GORASP1: variants seen among roughly 807,000 people sequenced by gnomAD.
The protein encoded by GORASP1 is Golgi reassembly-stacking protein 1.
A neutral mutation model predicts 37.7 loss-of-function variants in GORASP1; 31 were observed. The ratio of observed to expected loss-of-function variants is 0.82; its 90% CI spans 0.62 to 1.11. GORASP1 has a LOEUF of 1.11. Among genes scored for constraint, GORASP1 ranks in the 50% least tolerant of loss-of-function variants. The pLI is 0.00. For synonymous variants in GORASP1, 204 were observed against 224.8 expected, an observed-to-expected ratio of 0.91 and a Z score of 0.83; for missense variants, 476 against 560.7, an observed-to-expected ratio of 0.85 and a Z score of 1.53.
Position 39,102,913 on chromosome 3 carries a change from A to G in GORASP1, c.145-32T>C. On this transcript the variant is annotated intron_variant, in intron 2 of 8. Coordinates refer to ENST00000319283, the MANE Select transcript of GORASP1 (RefSeq NM_031899.4). The surrounding 1 kb of genome is among the most constrained non-coding windows in gnomAD (Gnocchi z 5.0). Reference sequence around the variant, plus strand: ...GGGCAATGGGGCTGACTCCAAGGCCACCTCATGCCCAGGCTAGGACCCTCA... The same window carrying G: ...GGGCAATGGGGCTGACTCCAAGGCCGCCTCATGCCCAGGCTAGGACCCTCA... The G allele has an allele frequency of 6.3e-7, 1 of 1,595,654 alleles. No individual in the cohort carries two copies. The highest frequency in any genetic ancestry group is 8.6e-7 in the Non-Finnish European group (1 of 1,163,150).
In GORASP1 at chr3:39,103,594, G is replaced by A. The variant is rs1355948660; in HGVS notation, c.64-41C>T. 1.7e-5 allele frequency: 26 copies of A among 1,520,724 alleles called. No homozygotes were observed. Among genetic ancestry groups the A allele is most frequent in the Non-Finnish European group, 2.3e-5 (25 of 1,110,858 alleles). The allele number at this position is 1,520,724 out of a possible 1,614,324, so 94.2% of individuals were successfully genotyped here. A position where few individuals can be genotyped will look rare whatever the true frequency, so the allele number is the denominator to read the frequency against. On this transcript the variant is annotated intron_variant, in intron 1 of 8. Coordinates refer to ENST00000319283, the MANE Select transcript of GORASP1 (RefSeq NM_031899.4). This position sits in a 1 kb window ranked among gnomAD's most constrained non-coding sequence, Gnocchi z 5.2. ...GACCACAGTCACTGCGCCAACCCTGGGACTCTCCAAGTAGCCCTCTCCCCC... is the reference window on the plus strand; with the variant it reads ...GACCACAGTCACTGCGCCAACCCTGAGACTCTCCAAGTAGCCCTCTCCCCC...
chr3:39,103,574 C>G lies in GORASP1; in HGVS notation c.64-21G>C, dbSNP rs774408933. Reference sequence around the variant, plus strand: ...TGCACCTATCCCACAGCAAAGACCACAGTCACTGCGCCAACCCTGGGACTC... The same window carrying G: ...TGCACCTATCCCACAGCAAAGACCAGAGTCACTGCGCCAACCCTGGGACTC... On this transcript the variant is annotated intron_variant, in intron 1 of 8. Coordinates refer to ENST00000319283, the MANE Select transcript of GORASP1 (RefSeq NM_031899.4). This position sits in a 1 kb window ranked among gnomAD's most constrained non-coding sequence, Gnocchi z 5.2. 6.3e-7 allele frequency: 1 copy of G among 1,596,704 alleles called. No homozygotes were observed. The highest frequency in any genetic ancestry group is 8.5e-7 in the Non-Finnish European group (1 of 1,170,240).
rs201218076 is a variant in GORASP1 at position 39,098,420 on chromosome 3, G to A, written c.1139C>T (p.Ala380Val). ...FLDSPGAQAQ[A>V]DHLPQLTLPD... Reference sequence around the variant, plus strand: ...AAGAGTCAGCTGAGGCAGGTGGTCCGCCTGGGCTTGGGCACCTGGGCTGTC... The same window carrying A: ...AAGAGTCAGCTGAGGCAGGTGGTCCACCTGGGCTTGGGCACCTGGGCTGTC... Residue 380 changes from alanine (A) to valine (V), a missense_variant, in exon 9 of 9, where the codon GCG becomes GTG. Transcript: ENST00000319283. The surrounding 1 kb of genome is among the most constrained non-coding windows in gnomAD (Gnocchi z 4.7). 32 of 1,614,158 alleles carry A rather than the reference G, an allele frequency of 2.0e-5. No individual in the cohort carries two copies. The East Asian group carries it at 4.0e-4, about 20-fold the overall frequency.
chr3:39,101,117 G>C lies in GORASP1; in HGVS notation c.349-15C>G. 1 of 1,612,734 alleles carries C rather than the reference G, an allele frequency of 6.2e-7. No individual in the cohort carries two copies. The highest frequency in any genetic ancestry group is 8.5e-7 in the Non-Finnish European group (1 of 1,178,846). The stretch of plus-strand genomic sequence containing the variant: ...GGTTCCACATCCTGGGGAAAGAACC[G>C]CAAACCACTGGCCATGCTACTAGAG... On this transcript the variant is annotated splice_polypyrimidine_tract_variant and intron_variant, in intron 3 of 8. Transcript: ENST00000319283.
At position 39,103,032 on chromosome 3, in the gene GORASP1, A is replaced by C. The variant is rs2035820159; in HGVS notation, c.145-151T>G. On this transcript the variant is annotated intron_variant, in intron 2 of 8. Coordinates refer to ENST00000319283, the MANE Select transcript of GORASP1 (RefSeq NM_031899.4). The surrounding 1 kb of genome is among the most constrained non-coding windows in gnomAD (Gnocchi z 5.2). ...GATGGGCCAAGGTAGTGGATGGGCC[A>C]GGTTCACAGACCAGGGTTGAGCCTG... 4.1e-6 allele frequency: 3 copies of C among 732,430 alleles called. No homozygotes were observed. The highest frequency in any genetic ancestry group is 2.4e-4 in the Middle Eastern group (1 of 4,180). 45.4% of individuals were successfully genotyped at this position (732,430 alleles called of 1,614,324 possible). A position where few individuals can be genotyped will look rare whatever the true frequency, so the allele number is the denominator to read the frequency against.
rs1240339583 is a variant in GORASP1, at chr3:39,097,677, A to T, written c.*559T>A. ...GAAGAAGAAATATTGTGGTCTGGGC[A>T]CAAATGGGTCTCTGCTGAAGGGCCT... On this transcript the variant is annotated 3_prime_UTR_variant, in exon 9 of 9. Transcript: ENST00000319283. 6.5e-6 allele frequency: 1 copy of T among 152,778 alleles called. No individual in the cohort carries two copies. Among genetic ancestry groups the T allele is most frequent in the African/African-American group, 2.4e-5 (1 of 41,456 alleles). The allele number at this position is 152,778 out of a possible 1,614,324, so 9.5% of individuals were successfully genotyped here.
intron 6 of GORASP1, 143 bp from the exon 7 acceptor site, chr3:39,099,646 ACC>A: frequency 1.1e-6 from 1 of 902,232 alleles, no homozygotes; most frequent in Non-Finnish European, 1.7e-6. Flanking sequence ...TTAATAAACC[ACC>A]CCTTCTTCTA....
At position 39,103,503 on chromosome 3, in the gene GORASP1, G is replaced by C. The variant is rs1246008508; in HGVS notation, c.114C>G (p.Asp38Glu). 6.2e-7 allele frequency: 1 copy of C among 1,613,602 alleles called. No individual in the cohort carries two copies. Among genetic ancestry groups the C allele is most frequent in the Admixed American group, 1.7e-5 (1 of 59,962 alleles). Residue 38 changes from aspartate (D) to glutamate (E), a missense_variant, in exon 2 of 9, where the codon GAC becomes GAG. By Grantham distance (45) the Asp-to-Glu change is conservative. Coordinates refer to ENST00000319283, the MANE Select transcript of GORASP1 (RefSeq NM_031899.4). This position sits in a 1 kb window ranked among gnomAD's most constrained non-coding sequence, Gnocchi z 5.2. ...TCGAGTGCCCAATGGTGATGATGAA[G>C]TCAAAGTAGGGCTCCAGGCCCGCCT... ...AQQAGLEPYF[D>E]FIITIGHSRL... is the part of the protein sequence containing the mutation.
rs2035619147 is a variant in GORASP1 at position 39,100,385 on chromosome 3, G to A, written c.685C>T (p.Pro229Ser). 4.3e-6 allele frequency: 7 copies of A among 1,614,128 alleles called. No homozygotes were observed. In the East Asian group the frequency reaches 1.3e-4, roughly 31 times the overall value. Residue 229 changes from proline (P) to serine (S), a missense_variant, in exon 6 of 9, where the codon CCT becomes TCT. Transcript: ENST00000319283. The surrounding 1 kb of genome is among the most constrained non-coding windows in gnomAD (Gnocchi z 4.6). ...GTGGGTCCAGGTGGTAGAGCATCAG[G>A]TGGTGGGGCACCAAGTGGTAGAGCA... ...PSALPLGAPP[P>S]DALPPGPTPE...
In GORASP1 at chr3:39,098,006, G is replaced by A. The variant is rs2035443791; in HGVS notation, c.*230C>T. On this transcript the variant is annotated 3_prime_UTR_variant, in exon 9 of 9. Transcript: ENST00000319283. This position sits in a 1 kb window ranked among gnomAD's most constrained non-coding sequence, Gnocchi z 4.7. ...TCACACTGGATTATGACCAGACCCT[G>A]CTGCCTCCTGGGAAGCCCCAGTGAC... 2 of 569,006 alleles carry A rather than the reference G, an allele frequency of 3.5e-6. No homozygotes were observed. Among genetic ancestry groups the A allele is most frequent in the South Asian group, 2.1e-5 (1 of 47,020 alleles). The allele number at this position is 569,006 out of a possible 1,614,324, so 35.2% of individuals were successfully genotyped here.
chr3:39,103,092 C>A lies in GORASP1; in HGVS notation c.145-211G>T. 1.6e-6 allele frequency: 1 copy of A among 613,642 alleles called. No individual in the cohort carries two copies. Among genetic ancestry groups the A allele is most frequent in the Non-Finnish European group, 2.9e-6 (1 of 345,056 alleles). The allele number at this position is 613,642 out of a possible 1,614,324, so 38.0% of individuals were successfully genotyped here. On this transcript the variant is annotated intron_variant, in intron 2 of 8. Transcript: ENST00000319283. This position sits in a 1 kb window ranked among gnomAD's most constrained non-coding sequence, Gnocchi z 5.2. ...GGACCCCCACCTTCCCCAAGCACTG[C>A]CAAACCTTCCTCAGCCTGCCAGAAA...
At chr3:39,104,270 G>C (rs1349361838) in intron 1 of GORASP1, among the ~76,000 whole-genome samples, 1 of 152,162 alleles carries the variant, frequency 6.6e-6, no homozygotes. Context: ...GCCTGTGCAG[G>C]ACACCTCCTC....
At position 39,107,615 on chromosome 3, in the gene GORASP1, G is replaced by A. The variant is rs983090146; in HGVS notation, c.-74C>T. On this transcript the variant is annotated 5_prime_UTR_variant, in exon 1 of 9. Coordinates refer to ENST00000319283, the MANE Select transcript of GORASP1 (RefSeq NM_031899.4). ...GGACCGACCCGACGCCAGTAGCACC[G>A]ACTCGCTCTCTCGGCGCTCGATTCC... 7 of 1,388,946 alleles carry A rather than the reference G, an allele frequency of 5.0e-6. No homozygotes were observed. The African/African-American group carries it at 7.3e-5, about 14-fold the overall frequency. 86.0% of individuals were successfully genotyped at this position (1,388,946 alleles called of 1,614,324 possible).
rs2035786454 is a variant in GORASP1, at chr3:39,102,519, T to C, written c.348+159A>G. On this transcript the variant is annotated intron_variant, in intron 3 of 8. Transcript: ENST00000319283. This position sits in a 1 kb window ranked among gnomAD's most constrained non-coding sequence, Gnocchi z 5.0. ...TAATGAGCTGCCCTCTCTGGGACACTGGAATGAGACCACATCCTGCCCTCA... is the reference window on the plus strand; with the variant it reads ...TAATGAGCTGCCCTCTCTGGGACACCGGAATGAGACCACATCCTGCCCTCA... 1 of 703,838 alleles carries C rather than the reference T, an allele frequency of 1.4e-6. No individual in the cohort carries two copies. The highest frequency in any genetic ancestry group is 1.7e-5 in the South Asian group (1 of 57,940). The allele number at this position is 703,838 out of a possible 1,614,324, so 43.6% of individuals were successfully genotyped here. A position where few individuals can be genotyped will look rare whatever the true frequency, so the allele number is the denominator to read the frequency against.
At position 39,100,896 on chromosome 3, in the gene GORASP1, A is replaced by T. The variant is rs2035658707; in HGVS notation, c.436-19T>A. On this transcript the variant is annotated intron_variant, in intron 4 of 8. Transcript: ENST00000319283. The surrounding 1 kb of genome is among the most constrained non-coding windows in gnomAD (Gnocchi z 4.6). ...CCTCGGACTGTGAGAAACGCATAGC[A>T]CCTGAGGCCTGCTTCCAGGGCTAAA... 6.2e-7 allele frequency: 1 copy of T among 1,614,032 alleles called. No individual in the cohort carries two copies.
In GORASP1 at chr3:39,100,770, G is replaced by A. The variant is rs747784283; in HGVS notation, c.543C>T (p.Asn181=). The A allele has an allele frequency of 1.4e-5, 22 of 1,613,878 alleles. No individual in the cohort carries two copies. The Middle Eastern group carries it at 4.9e-4, about 36-fold the overall frequency. The change falls in exon 5 of 9, where the codon AAC becomes AAT. Residue 181 remains asparagine (N), a synonymous_variant. Transcript: ENST00000319283. This position sits in a 1 kb window ranked among gnomAD's most constrained non-coding sequence, Gnocchi z 4.6. ...DSCREVTVTP[N]AAWGGEGSLG... is the part of the protein sequence containing the mutation. Reference sequence around the variant, plus strand: ...ACCTGCCCTCTCCACCCCAGGCTGCGTTGGGAGTTACAGTCACCTCCCGGC... The same window carrying A: ...ACCTGCCCTCTCCACCCCAGGCTGCATTGGGAGTTACAGTCACCTCCCGGC...
chr3:39,098,034 G>C lies in GORASP1; in HGVS notation c.*202C>G. On this transcript the variant is annotated 3_prime_UTR_variant, in exon 9 of 9. Transcript: ENST00000319283. This position sits in a 1 kb window ranked among gnomAD's most constrained non-coding sequence, Gnocchi z 4.7. ...GCCTCCTGGGAAGCCCCAGTGACCA[G>C]AGCAGGACCAAGCACTGGACCTGAG... 3.2e-6 allele frequency: 2 copies of C among 618,402 alleles called. No individual in the cohort carries two copies. The highest frequency in any genetic ancestry group is 5.6e-6 in the Non-Finnish European group (2 of 354,624). The allele number at this position is 618,402 out of a possible 1,614,324, so 38.3% of individuals were successfully genotyped here.
Position 39,102,954 on chromosome 3 carries a change from G to A in GORASP1, c.145-73C>T. ...AGGACCCTCAGACAAGTCTGGGCCT[G>A]AGATGGGGCAAGGGCCTTAGTGGGC... On this transcript the variant is annotated intron_variant, in intron 2 of 8. Coordinates refer to ENST00000319283, the MANE Select transcript of GORASP1 (RefSeq NM_031899.4). The surrounding 1 kb of genome is among the most constrained non-coding windows in gnomAD (Gnocchi z 5.0). 1.4e-6 allele frequency: 2 copies of A among 1,418,030 alleles called. No individual in the cohort carries two copies. The highest frequency in any genetic ancestry group is 1.4e-5 in the African/African-American group (1 of 71,174). The allele number at this position is 1,418,030 out of a possible 1,614,324, so 87.8% of individuals were successfully genotyped here.
Position 39,103,270 on chromosome 3 carries a change from G to C in GORASP1, c.144+203C>G. ...ACCTCCAAGAGGCCATATGTCCTCTGTCCACCCCACAGAGCTCAGAAGCTG... is the reference window on the plus strand; with the variant it reads ...ACCTCCAAGAGGCCATATGTCCTCTCTCCACCCCACAGAGCTCAGAAGCTG... On this transcript the variant is annotated intron_variant, in intron 2 of 8. Transcript: ENST00000319283. The surrounding 1 kb of genome is among the most constrained non-coding windows in gnomAD (Gnocchi z 5.2). The C allele has an allele frequency of 1.7e-6, 1 of 594,540 alleles. No homozygotes were observed. The highest frequency in any genetic ancestry group is 2.1e-5 in the South Asian group (1 of 48,780). 36.8% of individuals were successfully genotyped at this position (594,540 alleles called of 1,614,324 possible).
Sources: gnomAD v4.1 joint callset for allele counts (sites outside exome capture counted in the v4.1 genomes callset) on GRCh38, gnomAD v4.1.1 for gene constraint, Gnocchi (gnomAD v3.1) non-coding constraint, MANE v1.5 for transcripts, NCBI Gene and HGNC (gene_info 2026-07-23, HGNC 2026-07-21) for gene names.